The following VAPA variants were observed in gnomAD, a reference collection of about 807,000 sequenced individuals.
The protein encoded by VAPA is vesicle-associated membrane protein-associated protein A.
A neutral mutation model predicts 25.6 loss-of-function variants in VAPA; 6 were observed. The observed-to-expected ratio is 0.23, with a 90% CI of 0.13 to 0.46. VAPA has a LOEUF of 0.46. Among genes scored for constraint, VAPA ranks in the 20% least tolerant of loss-of-function variants. The pLI, the probability that VAPA is intolerant of heterozygous loss-of-function variation, is 0.99. For missense variants in VAPA, 244 were observed against 302.1 expected, an observed-to-expected ratio of 0.81 and a Z score of 1.43; for synonymous variants, 112 against 106.2, an observed-to-expected ratio of 1.05 and a Z score of -0.34.
At chr18:9,919,666 A>G (rs539099466) in intron 1 of VAPA, among the ~76,000 whole-genome samples, 2 of 152,350 alleles carry the variant, frequency 1.3e-5, no homozygotes, top group African/African-American at 2.4e-5. Context: ...AACATTTACC[A>G]TACTGAAAGA....
chr18:9,926,727 G>T (rs2069203118), intron 1 of VAPA, among the ~76,000 whole-genome samples: 1 of 152,102 alleles, frequency 6.6e-6, no homozygotes, highest in African/African-American at 2.4e-5. Context: ...CCTGACCTTT[G>T]TTCCAGTAGA....
intron 4 of VAPA, among the ~76,000 whole-genome samples, chr18:9,941,951 A>T (rs2069370177): frequency 6.6e-6 from 1 of 152,206 alleles, no homozygotes; most frequent in Non-Finnish European, 1.5e-5. Context: ...TATAGTTATG[A>T]TTGTGATATA....
chr18:9,952,931 G>A (rs1464284516), intron 5 of VAPA, among the ~76,000 whole-genome samples: 2 of 152,164 alleles, frequency 1.3e-5, no homozygotes, highest in Admixed American at 1.3e-4. Context: ...AAATAAAACT[G>A]TGCCATTAGG....
chr18:9,935,640 T>C (rs1186633773), intron 2 of VAPA, among the ~76,000 whole-genome samples: 2 of 152,208 alleles, frequency 1.3e-5, no homozygotes, highest in South Asian at 4.1e-4. Flanking sequence ...CCTTTAAATA[T>C]CTCAGTTGTA....
chr18:9,948,446 ATGACT>A (rs1312775875), intron 4 of VAPA: 1 of 152,238 alleles, frequency 6.6e-6, no homozygotes, highest in East Asian at 1.9e-4. Context: ...ATTGTGAGAA[ATGACT>A]TTTTCCCTTC....
intron 1 of VAPA, among the ~76,000 whole-genome samples, chr18:9,925,670 A>T (rs189414661): frequency 6.6e-6 from 1 of 152,242 alleles, no homozygotes; most frequent in Admixed American, 6.5e-5. Context: ...GTAAGGGTAA[A>T]TTCAAGTGAC....
At chr18:9,953,859 A>G (rs564306422) in intron 5 of VAPA, among the ~76,000 whole-genome samples, 194 bp from the exon 6 acceptor site, 1 of 152,322 alleles carries the variant, frequency 6.6e-6, no homozygotes, top group South Asian at 2.1e-4. Flanking sequence ...CTTTGTAACC[A>G]TCACTATAGT....
intron 4 of VAPA, among the ~76,000 whole-genome samples, chr18:9,938,714 C>T (rs986043079): frequency 1.1e-4 from 17 of 152,132 alleles, no homozygotes; most frequent in African/African-American, 4.1e-4. Flanking sequence ...AATGTATTTT[C>T]ACTAATTGGA....
In VAPA at chr18:9,958,202, T is replaced by A. The variant is rs915242718; in HGVS notation, c.*3991T>A. ...GTATCCTATTTTTTTCCAGCTTAAT[T>A]TCTGTGGTTTATTGAAAACCAAGTA... is the stretch of plus-strand genomic sequence containing the variant. On this transcript the variant is annotated 3_prime_UTR_variant, in exon 6 of 6. Transcript: ENST00000400000. 1 of 152,254 alleles carries A rather than the reference T, an allele frequency of 6.6e-6. No homozygotes were observed. Among genetic ancestry groups the A allele is most frequent in the African/African-American group, 2.4e-5 (1 of 41,468 alleles). 9.4% of individuals were successfully genotyped at this position (152,254 alleles called of 1,614,324 possible).
chr18:9,939,937 G>T (rs1255990109), intron 4 of VAPA, among the ~76,000 whole-genome samples: 1 of 152,146 alleles, frequency 6.6e-6, no homozygotes, highest in Non-Finnish European at 1.5e-5. Context: ...TTGTCTGATG[G>T]TCATACTCTG....
chr18:9,922,300 T>G (rs1356280694), intron 1 of VAPA, among the ~76,000 whole-genome samples: 1 of 152,196 alleles, frequency 6.6e-6, no homozygotes, highest in African/African-American at 2.4e-5. Flanking sequence ...AAATCCTGAA[T>G]GATAGCATAA....
At chr18:9,936,538 G>C (rs2069312158) in intron 3 of VAPA, 1 of 208,304 alleles carries the variant, frequency 4.8e-6, no homozygotes, top group Non-Finnish European at 9.4e-6. Flanking sequence ...ACAAGACCCT[G>C]TCTCTACAAA....
chr18:9,916,002 GTT>G (rs2069109028), intron 1 of VAPA, among the ~76,000 whole-genome samples: 2 of 152,066 alleles, frequency 1.3e-5, no homozygotes, highest in Admixed American at 6.5e-5. Context: ...TTAATATTTC[GTT>G]TTTATCTTTT....
At chr18:9,940,605 G>A (rs1383228871) in intron 4 of VAPA, among the ~76,000 whole-genome samples, 1 of 152,032 alleles carries the variant, frequency 6.6e-6, no homozygotes, top group Non-Finnish European at 1.5e-5. Context: ...TTTTATGGTT[G>A]GATTATGTTG....
At chr18:9,915,260 T>A (rs537581800) in intron 1 of VAPA, among the ~76,000 whole-genome samples, 1 of 152,296 alleles carries the variant, frequency 6.6e-6, no homozygotes, top group South Asian at 2.1e-4. Context: ...TTCCGACAGA[T>A]CCTGAGAAGG....
intron 1 of VAPA, among the ~76,000 whole-genome samples, chr18:9,925,738 A>G (rs533339400): frequency 1.1e-4 from 17 of 152,254 alleles, no homozygotes; most frequent in African/African-American, 4.1e-4. Context: ...GTAAAAATGT[A>G]AAATATTTTT....
intron 1 of VAPA, chr18:9,923,785 TTTTC>T (rs1162546039): frequency 5.3e-5 from 8 of 152,312 alleles, no homozygotes; most frequent in Admixed American, 5.2e-4. Context: ...TTTTTCAGTT[TTTTC>T]TTCCAGGATT....
intron 1 of VAPA, among the ~76,000 whole-genome samples, chr18:9,916,940 C>G (rs1363699590): frequency 6.6e-6 from 1 of 152,200 alleles, no homozygotes; most frequent in African/African-American, 2.4e-5. Flanking sequence ...TAACAAGCAT[C>G]TTGAAGATGA....
chr18:9,919,748 T>C (rs1409116026), intron 1 of VAPA, among the ~76,000 whole-genome samples: 2 of 152,220 alleles, frequency 1.3e-5, no homozygotes, highest in Non-Finnish European at 2.9e-5. Flanking sequence ...TTAGGAGTTT[T>C]GTTTTTATCC....
Sources: allele counts gnomAD v4.1 joint callset (sites outside exome capture counted in the v4.1 genomes callset), GRCh38; gene constraint gnomAD v4.1.1; transcripts MANE v1.5; gene names NCBI Gene and HGNC (gene_info 2026-07-23, HGNC 2026-07-21).